The following ADCY7 variants were observed in gnomAD, a reference collection of about 807,000 sequenced individuals.
The protein encoded by ADCY7 is adenylate cyclase 7, also known as adenylate cyclase type 7.
In ADCY7, 72 loss-of-function variants were observed where a neutral mutation model predicts 120.6. That is an observed-to-expected ratio of 0.60 (90% CI 0.49 to 0.73). The LOEUF (loss-of-function observed/expected upper bound fraction) is 0.73, where lower values mean the gene tolerates loss of function less well. ADCY7 is among the 30% of genes least tolerant of loss of function. ADCY7 has a pLI of 0.00. For missense variants in ADCY7, 1,227 were observed against 1,486.0 expected (o/e 0.83, Z 2.87); for synonymous variants, 661 against 628.0 (o/e 1.05, Z -0.78).
intron 3 of ADCY7, 21 bp from the exon 4 acceptor site, chr16:50,291,715 C>T: frequency 6.2e-7 from 1 of 1,613,756 alleles, no homozygotes; most frequent in Non-Finnish European, 8.5e-7. Context: ...GGGCACCGGG[C>T]TCACCAGGCT....
At chr16:50,311,838 C>T (rs754734612) in intron 20 of ADCY7, 52 bp downstream of exon 20, 1 of 1,363,550 alleles carries the variant, frequency 7.3e-7, no homozygotes, top group East Asian at 2.5e-5. Flanking sequence ...CTTTTCCTCA[C>T]CTCCATCTGG....
chr16:50,301,637 A>G, intron 10 of ADCY7: 1 of 196,946 alleles, frequency 5.1e-6, no homozygotes, highest in Non-Finnish European at 1.1e-5. Context: ...ACTGGGCAGG[A>G]GCCTCTGAGT....
intron 1 of ADCY7, among the ~76,000 whole-genome samples, chr16:50,252,178 G>A (rs1313064268): frequency 6.6e-6 from 1 of 152,146 alleles, no homozygotes; most frequent in Non-Finnish European, 1.5e-5. Context: ...TCCTTTCTCT[G>A]TGCCGAGCCT....
chr16:50,309,485 C>T, intron 17 of ADCY7, 63 bp from the exon 18 acceptor site: 2 of 1,416,308 alleles, frequency 1.4e-6, no homozygotes, highest in East Asian at 2.3e-5. Context: ...GCCCACCTTG[C>T]ATGGCTTGGG....
At chr16:50,292,922 A>ATGGGTGTC in intron 5 of ADCY7, 97 bp downstream of exon 5, 2 of 1,478,872 alleles carry the variant, frequency 1.4e-6, no homozygotes, top group Non-Finnish European at 1.8e-6. Flanking sequence ...CATGAGGTGC[A>ATGGGTGTC]TGGCCAGACA....
At chr16:50,277,808 C>G (rs1813094755) in intron 1 of ADCY7, among the ~76,000 whole-genome samples, 2 of 151,388 alleles carry the variant, frequency 1.3e-5, no homozygotes, top group African/African-American at 4.9e-5. Context: ...GTAGCTGGGA[C>G]TACAGGCACC....
rs2036770579 is a variant in ADCY7, at chr16:50,315,732, G to A, written c.*227G>A. On this transcript the variant is annotated 3_prime_UTR_variant, in exon 26 of 26. Coordinates refer to ENST00000673801, the MANE Select transcript of ADCY7 (RefSeq NM_001114.5). ...GGGGAGGCCAGAAGCTCTGTGCCTGGTCTGTAACAGTTTCCAGGCCAGCTG... is the reference window on the plus strand; with the variant it reads ...GGGGAGGCCAGAAGCTCTGTGCCTGATCTGTAACAGTTTCCAGGCCAGCTG... 2 of 481,522 alleles carry A rather than the reference G, an allele frequency of 4.2e-6. No individual in the cohort carries two copies. Among genetic ancestry groups the A allele is most frequent in the African/African-American group, 1.9e-5 (1 of 51,794 alleles). 29.8% of individuals were successfully genotyped at this position (481,522 alleles called of 1,614,324 possible).
intron 1 of ADCY7, among the ~76,000 whole-genome samples, chr16:50,258,116 C>T (rs1374240155): frequency 6.6e-6 from 1 of 152,098 alleles, no homozygotes; most frequent in Non-Finnish European, 1.5e-5. Context: ...GTAATGTAAC[C>T]TCCAAGCTAC....
At chr16:50,305,995 G>A in intron 14 of ADCY7, 146 bp downstream of exon 14, 1 of 756,496 alleles carries the variant, frequency 1.3e-6, no homozygotes, top group Non-Finnish European at 2.2e-6. Flanking sequence ...CCTGGGCGGG[G>A]GGCAGGGGCG....
chr16:50,289,764 C>T (rs2034822496), intron 2 of ADCY7, among the ~76,000 whole-genome samples: 1 of 152,258 alleles, frequency 6.6e-6, no homozygotes, highest in Admixed American at 6.5e-5. Context: ...CCATGCCCAG[C>T]CCATTTTCTT....
upstream of ADCY7, among the ~76,000 whole-genome samples, chr16:50,264,480 C>A (rs1181993569): frequency 6.6e-6 from 1 of 152,168 alleles, no homozygotes; most frequent in Non-Finnish European, 1.5e-5. Flanking sequence ...TGGGTAAATA[C>A]CTGAGATTGA....
chr16:50,305,467 C>T (rs375313275), intron 12 of ADCY7, 36 bp from the exon 13 acceptor site: 130 of 1,586,778 alleles, frequency 8.2e-5, no homozygotes, highest in Non-Finnish European at 1.1e-4. Flanking sequence ...TGGAGGTGGT[C>T]GCTGTGCTGA....
At chr16:50,254,676 A>G (rs574470035) in intron 1 of ADCY7, among the ~76,000 whole-genome samples, 5 of 152,304 alleles carry the variant, frequency 3.3e-5, no homozygotes, top group African/African-American at 1.2e-4. Context: ...AAGAATTAAT[A>G]TCGTGCAAAT....
chr16:50,310,807 C>T lies in ADCY7; in HGVS notation c.2281C>T (p.Leu761Phe). Residue 761 changes from leucine (L) to phenylalanine (F), a missense_variant, in exon 19 of 26, where the codon CTC (leucine) becomes TTC (phenylalanine). Physicochemically the swap from Leu to Phe is conservative, Grantham distance 22. This residue lies in a region of ADCY7 where 267 missense variants were observed against 270.0 expected (regional missense o/e 0.99). Coordinates refer to ENST00000673801, the MANE Select transcript of ADCY7 (RefSeq NM_001114.5). ...ALVAYLVLFN[L>F]SPCWQWDCCG... ...GGTGGCCTACCTGGTGCTCTTCAAC[C>T]TCTCCCCATGCTGGCAGTGGGACTG... is the stretch of plus-strand genomic sequence containing the variant. The T allele has an allele frequency of 6.2e-7, 1 of 1,614,104 alleles. No individual in the cohort carries two copies. Among genetic ancestry groups the T allele is most frequent in the Non-Finnish European group, 8.5e-7 (1 of 1,179,990 alleles).
At chr16:50,249,408 C>A (rs1317005927) in intron 1 of ADCY7, among the ~76,000 whole-genome samples, 3 of 152,062 alleles carry the variant, frequency 2.0e-5, no homozygotes, top group Non-Finnish European at 2.9e-5. Context: ...CCACTGCACT[C>A]CAGCTTGCTC....
intron 1 of ADCY7, among the ~76,000 whole-genome samples, chr16:50,251,346 G>T (rs2032751520): frequency 6.6e-6 from 1 of 152,226 alleles, no homozygotes; most frequent in East Asian, 1.9e-4. Flanking sequence ...CACTCATCGA[G>T]CATTAGCTGT....
upstream of ADCY7, among the ~76,000 whole-genome samples, chr16:50,264,805 G>T (rs922427511): frequency 6.3e-5 from 9 of 142,570 alleles, 1 homozygote; most frequent in Admixed American, 1.4e-4. Flanking sequence ...TGGGCCATTT[G>T]TCTTTTTCTT....
rs1207056876 is a variant in ADCY7 at position 50,317,660 on chromosome 16, G to C, written c.*2155G>C. ...AAAGTTTTTAGTTTTCAGTGTTCAGGTTATAGAATATAACTGACCATAAAA... is the reference window on the plus strand; with the variant it reads ...AAAGTTTTTAGTTTTCAGTGTTCAGCTTATAGAATATAACTGACCATAAAA... On this transcript the variant is annotated 3_prime_UTR_variant, in exon 26 of 26. Coordinates refer to ENST00000673801, the MANE Select transcript of ADCY7 (RefSeq NM_001114.5). 1 of 152,220 alleles carries C rather than the reference G, an allele frequency of 6.6e-6. No individual in the cohort carries two copies. Among genetic ancestry groups the C allele is most frequent in the Non-Finnish European group, 1.5e-5 (1 of 68,012 alleles). The allele number at this position is 152,220 out of a possible 1,614,324, so 9.4% of individuals were successfully genotyped here. A position where few individuals can be genotyped will look rare whatever the true frequency, so the allele number is the denominator to read the frequency against.
chr16:50,279,167 A>G (rs1320612516), intron 1 of ADCY7, among the ~76,000 whole-genome samples: 5 of 152,186 alleles, frequency 3.3e-5, no homozygotes, highest in Middle Eastern at 3.4e-3. Context: ...CCACCGTGCC[A>G]GGTCTATGGA....
Sources: gnomAD v4.1 joint callset for allele counts (sites outside exome capture counted in the v4.1 genomes callset) on GRCh38, gnomAD v4.1.1 for gene constraint, gnomAD v4.1.1 regional missense constraint, MANE v1.5 for transcripts, NCBI Gene and HGNC (gene_info 2026-07-23, HGNC 2026-07-21) for gene names.